PEX11B: variants seen among roughly 807,000 people sequenced by gnomAD.
The protein encoded by PEX11B is peroxisomal biogenesis factor 11 beta, also known as peroxisomal membrane protein 11B.
A neutral mutation model predicts 28.2 loss-of-function variants in PEX11B; 18 were observed. That is an observed-to-expected ratio of 0.64 (90% CI 0.44 to 0.95). The LOEUF (loss-of-function observed/expected upper bound fraction) is 0.95, where lower values mean the gene tolerates loss of function less well. Among genes scored for constraint, PEX11B ranks in the 40% least tolerant of loss-of-function variants. PEX11B has a pLI of 0.00. For synonymous variants in PEX11B, 128 were observed against 128.7 expected, an observed-to-expected ratio of 0.99 and a Z score of 0.04; for missense variants, 305 against 319.8, an observed-to-expected ratio of 0.95 and a Z score of 0.35.
At chr1:145,918,541 A>AC in intron 1 of PEX11B, 92 bp downstream of exon 1, 1 of 1,541,860 alleles carries the variant, frequency 6.5e-7, no homozygotes, top group African/African-American at 1.4e-5. Flanking sequence ...ACCCTTCTTG[A>AC]CCCCCCTGTA....
intron 3 of PEX11B, among the ~76,000 whole-genome samples, chr1:145,914,785 T>G (rs1298597649): frequency 6.6e-6 from 1 of 152,260 alleles, no homozygotes; most frequent in African/African-American, 2.4e-5. Context: ...CTCTACTCCA[T>G]AACACTGTTT....
In PEX11B at chr1:145,912,298, C is replaced by T. The variant is rs1449329894; in HGVS notation, c.643G>A (p.Ala215Thr). 2 of 1,614,022 alleles carry T rather than the reference C, an allele frequency of 1.2e-6. No homozygotes were observed. The highest frequency in any genetic ancestry group is 1.7e-6 in the Non-Finnish European group (2 of 1,180,028). ...PPLLLDVVRNACDLFIPLDKL... is the reference protein window; with the variant it reads ...PPLLLDVVRNTCDLFIPLDKL... Reference sequence around the variant, plus strand: ...TCCAGAGGAATGAAGAGATCACAGGCATTTCTGACCACGTCTAGCAGAAGT... The same window carrying T: ...TCCAGAGGAATGAAGAGATCACAGGTATTTCTGACCACGTCTAGCAGAAGT... Residue 215 changes from alanine (A) to threonine (T), a missense_variant, in exon 4 of 4, where the codon GCC (alanine) becomes ACC (threonine). Physicochemically the swap from Ala to Thr is moderately conservative, Grantham distance 58. Coordinates refer to ENST00000369306, the MANE Select transcript of PEX11B (RefSeq NM_003846.3).
chr1:145,916,331 T>A (rs587767348), intron 3 of PEX11B, among the ~76,000 whole-genome samples: 1 of 152,354 alleles, frequency 6.6e-6, no homozygotes, highest in South Asian at 2.1e-4. Context: ...TTTTCCAATC[T>A]AAATTAGCTC....
chr1:145,918,228 C>T, intron 1 of PEX11B: 1 of 985,416 alleles, frequency 1.0e-6, no homozygotes, highest in South Asian at 4.7e-5. Context: ...GACCAAACGC[C>T]AGGGCGGAGG....
At chr1:145,914,087 C>G (rs1278949730) in intron 3 of PEX11B, among the ~76,000 whole-genome samples, 1 of 152,144 alleles carries the variant, frequency 6.6e-6, no homozygotes, top group Non-Finnish European at 1.5e-5. Flanking sequence ...TAAAACTCTC[C>G]ATGGTTGGCC....
intron 3 of PEX11B, among the ~76,000 whole-genome samples, chr1:145,913,616 CA>C (rs1657902755): frequency 6.8e-6 from 1 of 147,336 alleles, no homozygotes; most frequent in African/African-American, 2.7e-5. Flanking sequence ...CACACACACA[CA>C]CACACACACA....
chr1:145,918,504 C>A, intron 1 of PEX11B, 129 bp downstream of exon 1: 1 of 1,538,376 alleles, frequency 6.5e-7, no homozygotes, highest in South Asian at 1.2e-5. Context: ...GCCTCACGGT[C>A]CGTTCGGGCC....
chr1:145,917,724 C>G lies in PEX11B; in HGVS notation c.149G>C (p.Ser50Thr). ...ELQKQIRQLESHLSLGRKLLR... is the reference protein window; with the variant it reads ...ELQKQIRQLETHLSLGRKLLR... ...ACGCTTTCTTCCAAGGCTCAGGTGGCTCTCCAGTTGTCGAATCTGTTTCTG... is the reference window on the plus strand; with the variant it reads ...ACGCTTTCTTCCAAGGCTCAGGTGGGTCTCCAGTTGTCGAATCTGTTTCTG... Residue 50 changes from serine (S) to threonine (T), a missense_variant, in exon 2 of 4, where the codon AGC (serine) becomes ACC (threonine). Transcript: ENST00000369306. 6.2e-7 allele frequency: 1 copy of G among 1,605,838 alleles called. No homozygotes were observed. The highest frequency in any genetic ancestry group is 8.5e-7 in the Non-Finnish European group (1 of 1,172,356).
chr1:145,914,128 C>A (rs1400309571), intron 3 of PEX11B, among the ~76,000 whole-genome samples: 1 of 152,214 alleles, frequency 6.6e-6, no homozygotes, highest in Admixed American at 6.5e-5. Context: ...ATAATCCCAG[C>A]ACTTCGGGAG....
At chr1:145,913,629 T>A (rs970326773) in intron 3 of PEX11B, among the ~76,000 whole-genome samples, 4 of 125,024 alleles carry the variant, frequency 3.2e-5, no homozygotes, top group Admixed American at 8.0e-5. Flanking sequence ...ACACACACAC[T>A]CTCCATCTCT....
chr1:145,916,752 A>T, intron 3 of PEX11B, 65 bp downstream of exon 3: 1 of 1,121,334 alleles, frequency 8.9e-7, no homozygotes, highest in Non-Finnish European at 1.4e-6. Context: ...TTTCCCTCAT[A>T]TAAGACAAGC....
intron 1 of PEX11B, 198 bp downstream of exon 1, chr1:145,918,433 TCA>T (rs782436744): frequency 1.7e-4 from 264 of 1,536,188 alleles, no homozygotes; most frequent in Non-Finnish European, 1.6e-4. Flanking sequence ...CACTCATGCC[TCA>T]GTTTCCCCAT....
At chr1:145,915,029 G>A (rs943002936) in intron 3 of PEX11B, among the ~76,000 whole-genome samples, 23 of 152,164 alleles carry the variant, frequency 1.5e-4, no homozygotes, top group African/African-American at 3.4e-4. Context: ...TCAACCTCCC[G>A]AGTAGCTGGG....
Position 145,916,994 on chromosome 1 carries a change from T to A in PEX11B, c.197A>T (p.Asp66Val), listed in dbSNP as rs782438625. The change falls in exon 3 of 4, where the codon GAT becomes GTT. Residue 66 changes from aspartate (D) to valine (V), a missense_variant. By Grantham distance (152) the Asp-to-Val change is radical. Coordinates refer to ENST00000369306, the MANE Select transcript of PEX11B (RefSeq NM_003846.3). Reference sequence around the variant, plus strand: ...AGCTCTTTTGGCTGACTCAAGGGCATCTGCTGAGTTACCCAGGCGTAGAAC... The same window carrying A: ...AGCTCTTTTGGCTGACTCAAGGGCAACTGCTGAGTTACCCAGGCGTAGAAC... ...RKLLRLGNSA[D>V]ALESAKRAVH... 5 of 1,612,644 alleles carry A rather than the reference T, an allele frequency of 3.1e-6. No homozygotes were observed. In the African/African-American group the frequency reaches 6.7e-5, roughly 22 times the overall value.
intron 3 of PEX11B, among the ~76,000 whole-genome samples, chr1:145,915,082 T>C (rs1553753718): frequency 6.6e-6 from 1 of 152,288 alleles, no homozygotes; most frequent in Non-Finnish European, 1.5e-5. Flanking sequence ...TTTGTATTTT[T>C]AGTAGAGACG....
At chr1:145,918,020 G>C (rs782463158) in intron 1 of PEX11B, 6 of 984,176 alleles carry the variant, frequency 6.1e-6, no homozygotes, top group Non-Finnish European at 6.0e-6. Flanking sequence ...GGGGTGGGGA[G>C]CACTATTGAA....
At chr1:145,915,856 A>C (rs1647351005) in intron 3 of PEX11B, among the ~76,000 whole-genome samples, 1 of 152,032 alleles carries the variant, frequency 6.6e-6, no homozygotes, top group Non-Finnish European at 1.5e-5. Context: ...CTGGTCTTGA[A>C]GTCCTGACCT....
intron 1 of PEX11B, chr1:145,918,379 G>A (rs1221593536): frequency 6.5e-7 from 1 of 1,535,108 alleles, no homozygotes; most frequent in Non-Finnish European, 8.7e-7. Context: ...GACACTGTCG[G>A]TCTTATGTGG....
chr1:145,914,690 C>T (rs1647280504), intron 3 of PEX11B, among the ~76,000 whole-genome samples: 1 of 152,226 alleles, frequency 6.6e-6, no homozygotes, highest in Admixed American at 6.5e-5. Context: ...CTAGCTCTTT[C>T]TTGCTCTTCA....
Sources: gnomAD v4.1 joint callset for allele counts (sites outside exome capture counted in the v4.1 genomes callset) on GRCh38, gnomAD v4.1.1 for gene constraint, MANE v1.5 for transcripts, NCBI Gene and HGNC (gene_info 2026-07-23, HGNC 2026-07-21) for gene names.